Variants in ATP6V0C observed in about 807,000 individuals in gnomAD.
ATP6V0C encodes the protein V-type proton ATPase 16 kDa proteolipid subunit c.
A neutral mutation model predicts 10.6 loss-of-function variants in ATP6V0C; 2 were observed. The observed-to-expected ratio is 0.19, with a 90% CI of 0.08 to 0.59. ATP6V0C has a LOEUF of 0.59. ATP6V0C is among the 20% of genes least tolerant of loss of function. The probability of loss-of-function intolerance (pLI) is 0.90; values close to 1 mark genes in which losing one functional copy is unlikely to be tolerated. For missense variants in ATP6V0C, 89 were observed against 225.9 expected, an observed-to-expected ratio of 0.39 and a Z score of 3.88; for synonymous variants, 128 against 101.3, an observed-to-expected ratio of 1.26 and a Z score of -1.59.
At position 2,514,160 on chromosome 16, in the gene ATP6V0C, C is replaced by A; in HGVS notation, c.57C>A (p.Ala19=). 1 of 1,584,664 alleles carries A rather than the reference C, an allele frequency of 6.3e-7. No homozygotes were observed. The highest frequency in any genetic ancestry group is 2.4e-5 in the East Asian group (1 of 42,406). ...EYASFFAVMG[A]SAAMVFSALG... The stretch of plus-strand genomic sequence containing the variant: ...CTTCGTTTTTCGCCGTCATGGGCGC[C>A]TCGGCCGCCATGGTCTTCAGCGGTG... The change falls in exon 1 of 3, where the codon GCC becomes GCA. Residue 19 remains alanine, a synonymous_variant. Coordinates refer to ENST00000330398, the MANE Select transcript of ATP6V0C (RefSeq NM_001694.4).
chr16:2,519,414 G>A lies in ATP6V0C; in HGVS notation c.263+13G>A, dbSNP rs766811949. ...TCAGCCTCTACAAGTGAGCACTGGG[G>A]TCAGGCCCCTGCCCAGGGCTGGAGG... On this transcript the variant is annotated intron_variant, in intron 2 of 2. Transcript: ENST00000330398. 1.9e-6 allele frequency: 3 copies of A among 1,607,592 alleles called. No individual in the cohort carries two copies. Among genetic ancestry groups the A allele is most frequent in the East Asian group, 4.5e-5 (2 of 44,772 alleles).
Position 2,520,187 on chromosome 16 carries a change from G to C in ATP6V0C, c.*442G>C. 1.9e-6 allele frequency: 1 copy of C among 515,630 alleles called. No individual in the cohort carries two copies. Among genetic ancestry groups the C allele is most frequent in the East Asian group, 3.6e-5 (1 of 28,048 alleles). The allele number at this position is 515,630 out of a possible 1,614,324, so 31.9% of individuals were successfully genotyped here. The stretch of plus-strand genomic sequence containing the variant: ...CACCGCCGGGCCCGTGGCCCTGCGC[G>C]GAGCTGTGTCCAATAAAGTTCTTGG... On this transcript the variant is annotated 3_prime_UTR_variant, in exon 3 of 3. Transcript: ENST00000330398.
rs2065899446 is a variant in ATP6V0C at position 2,519,759 on chromosome 16, C to T, written c.*14C>T. The T allele has an allele frequency of 6.3e-7, 1 of 1,586,538 alleles. No homozygotes were observed. The highest frequency in any genetic ancestry group is 1.7e-4 in the Middle Eastern group (1 of 5,968). ...TCCACAAAGTAGACCCTCTCCGAGCCCACCAGCCACAGAATATTATGTAAA... is the reference window on the plus strand; with the variant it reads ...TCCACAAAGTAGACCCTCTCCGAGCTCACCAGCCACAGAATATTATGTAAA... On this transcript the variant is annotated 3_prime_UTR_variant, in exon 3 of 3. Coordinates refer to ENST00000330398, the MANE Select transcript of ATP6V0C (RefSeq NM_001694.4).
upstream of ATP6V0C, chr16:2,513,835 G>A (rs1174351116): frequency 5.2e-5 from 14 of 271,686 alleles, no homozygotes; most frequent in Middle Eastern, 1.2e-3. Context: ...GGCACAGCCC[G>A]GGGGAGGTCA....
chr16:2,515,045 C>T (rs1395437209), intron 1 of ATP6V0C, among the ~76,000 whole-genome samples: 3 of 152,056 alleles, frequency 2.0e-5, no homozygotes, highest in Middle Eastern at 3.2e-3. Context: ...GAATGAATGA[C>T]CTTCCTTTCC....
At chr16:2,516,244 C>G (rs1484517387) in intron 1 of ATP6V0C, among the ~76,000 whole-genome samples, 3 of 151,910 alleles carry the variant, frequency 2.0e-5, no homozygotes, top group African/African-American at 7.3e-5. Flanking sequence ...TCCTGAATAA[C>G]TAGGACTACA....
At chr16:2,515,100 A>G (rs2065870792) in intron 1 of ATP6V0C, among the ~76,000 whole-genome samples, 1 of 151,392 alleles carries the variant, frequency 6.6e-6, no homozygotes, top group Admixed American at 6.6e-5. Flanking sequence ...GGGCTTGGAG[A>G]AGGGGCCTTC....
intron 1 of ATP6V0C, among the ~76,000 whole-genome samples, chr16:2,515,190 C>T (rs896721259): frequency 6.6e-6 from 1 of 152,208 alleles, no homozygotes; most frequent in South Asian, 2.1e-4. Context: ...AATTGGTCTC[C>T]CTGGGAGAAT....
intron 1 of ATP6V0C, among the ~76,000 whole-genome samples, chr16:2,518,186 G>GC (rs1323558733): frequency 6.6e-6 from 1 of 152,236 alleles, no homozygotes; most frequent in Non-Finnish European, 1.5e-5. Flanking sequence ...CCCTGTGGTG[G>GC]CCCTGGAGGG....
Position 2,514,003 on chromosome 16 carries a change from T to TCGC in ATP6V0C, c.-93_-91dup, listed in dbSNP as rs879803550. 1.3e-5 allele frequency: 15 copies of TCGC among 1,131,394 alleles called. No homozygotes were observed. In the Admixed American group the frequency reaches 2.4e-4, roughly 18 times the overall value. The allele number at this position is 1,131,394 out of a possible 1,614,324, so 70.1% of individuals were successfully genotyped here. On this transcript the variant is annotated 5_prime_UTR_variant, in exon 1 of 3. Coordinates refer to ENST00000330398, the MANE Select transcript of ATP6V0C (RefSeq NM_001694.4). ...CAGCGGCTGACGGGCCGGATCGCCT[T>TCGC]CGCCGCCGCCCGCCCGCAAACCTTC...
intron 1 of ATP6V0C, among the ~76,000 whole-genome samples, chr16:2,514,550 C>T (rs1012320434): frequency 4.6e-5 from 7 of 151,578 alleles, no homozygotes; most frequent in African/African-American, 1.7e-4. Flanking sequence ...GGGGCCGATT[C>T]TGCGGGCAGG....
chr16:2,519,254 C>T lies in ATP6V0C; in HGVS notation c.116C>T (p.Thr39Ile). 1 of 1,613,932 alleles carries T rather than the reference C, an allele frequency of 6.2e-7. No individual in the cohort carries two copies. Among genetic ancestry groups the T allele is most frequent in the Non-Finnish European group, 8.5e-7 (1 of 1,179,874 alleles). ...GCCTATGGCACAGCCAAGAGCGGTA[C>T]CGGCATTGCGGCCATGTCTGTCATG... is the stretch of plus-strand genomic sequence containing the variant. ...GAAYGTAKSGTGIAAMSVMRP... is the reference protein window; with the variant it reads ...GAAYGTAKSGIGIAAMSVMRP... The change falls in exon 2 of 3, where the codon ACC becomes ATC. Residue 39 changes from threonine to isoleucine, a missense_variant. By Grantham distance (89) the Thr-to-Ile change is moderately conservative. This residue lies in a region of ATP6V0C where 18 missense variants were observed against 79.5 expected (regional missense o/e 0.23). Coordinates refer to ENST00000330398, the MANE Select transcript of ATP6V0C (RefSeq NM_001694.4).
chr16:2,515,938 G>A (rs1043480465), intron 1 of ATP6V0C, among the ~76,000 whole-genome samples: 2 of 152,068 alleles, frequency 1.3e-5, no homozygotes, highest in African/African-American at 4.8e-5. Flanking sequence ...ACCTACACAG[G>A]TCTTTGGGCA....
At chr16:2,516,281 T>TA (rs2065876919) in intron 1 of ATP6V0C, among the ~76,000 whole-genome samples, 1 of 148,772 alleles carries the variant, frequency 6.7e-6, no homozygotes, top group African/African-American at 2.5e-5. Flanking sequence ...CCCAGCTAAT[T>TA]TTTTTTTTTT....
chr16:2,519,887 G>T lies in ATP6V0C; in HGVS notation c.*142G>T. ...CATGCGCAGTGTCCTAGTGCCCATC[G>T]TCTGTTTCCCCGGCCTTGCCCCCGC... On this transcript the variant is annotated 3_prime_UTR_variant, in exon 3 of 3. Transcript: ENST00000330398. 1 of 1,196,556 alleles carries T rather than the reference G, an allele frequency of 8.4e-7. No individual in the cohort carries two copies. 74.1% of individuals were successfully genotyped at this position (1,196,556 alleles called of 1,614,324 possible).
intron 1 of ATP6V0C, 139 bp from the exon 2 acceptor site, chr16:2,519,079 G>T (rs754129151): frequency 3.9e-6 from 4 of 1,038,002 alleles, no homozygotes; most frequent in African/African-American, 1.6e-5. Context: ...CTTGCCCTGG[G>T]CTGGATGCCT....
intron 1 of ATP6V0C, chr16:2,514,503 G>T (rs1250057873): frequency 6.5e-6 from 1 of 154,388 alleles, no homozygotes; most frequent in East Asian, 1.9e-4. Flanking sequence ...CGGCGAGAGG[G>T]AGGCTGGGGT....
chr16:2,514,336 C>G, intron 1 of ATP6V0C, 154 bp downstream of exon 1: 1 of 813,432 alleles, frequency 1.2e-6, no homozygotes, highest in Non-Finnish European at 1.7e-6. Context: ...GGGTCGGCGC[C>G]CCGAGGGCTG....
Position 2,519,371 on chromosome 16 carries a change from A to C in ATP6V0C, c.233A>C (p.Asn78Thr), listed in dbSNP as rs765565281. The change falls in exon 2 of 3, where the codon AAC becomes ACC. Residue 78 changes from asparagine to threonine, a missense_variant. Physicochemically the swap from Asn to Thr is moderately conservative, Grantham distance 65. This residue lies in a region of ATP6V0C where 20 missense variants were observed against 20.5 expected (regional missense o/e 0.98). Coordinates refer to ENST00000330398, the MANE Select transcript of ATP6V0C (RefSeq NM_001694.4). The stretch of plus-strand genomic sequence containing the variant: ...CTGGTGGTGGCAGTCCTCATCGCCA[A>C]CTCCCTGAATGACGACATCAGCCTC... The part of the protein sequence containing the change: ...YGLVVAVLIA[N>T]SLNDDISLYK... 6.2e-7 allele frequency: 1 copy of C among 1,613,654 alleles called. No homozygotes were observed. Among genetic ancestry groups the C allele is most frequent in the Non-Finnish European group, 8.5e-7 (1 of 1,179,794 alleles).
Sources: allele counts gnomAD v4.1 joint callset (sites outside exome capture counted in the v4.1 genomes callset), GRCh38; gene constraint gnomAD v4.1.1; regional missense constraint gnomAD v4.1.1; transcripts MANE v1.5; gene names NCBI Gene and HGNC (gene_info 2026-07-23, HGNC 2026-07-21).